Variants in DOCK2 observed in about 807,000 individuals in gnomAD.
DOCK2 encodes dedicator of cytokinesis 2.
In DOCK2, 87 loss-of-function variants were observed where a neutral mutation model predicts 248.9. The observed-to-expected ratio is 0.35, with a 90% CI of 0.29 to 0.42. The LOEUF (loss-of-function observed/expected upper bound fraction) is 0.42. DOCK2 is among the 10% of genes least tolerant of loss of function. The probability of loss-of-function intolerance (pLI) is 1.00; values close to 1 mark genes in which losing one functional copy is unlikely to be tolerated. For missense variants in DOCK2, 1,747 were observed against 2,300.2 expected, an observed-to-expected ratio of 0.76 and a Z score of 4.92; for synonymous variants, 805 against 821.6, an observed-to-expected ratio of 0.98 and a Z score of 0.35.
chr5:169,760,898 C>T (rs753558339), intron 24 of DOCK2, among the ~76,000 whole-genome samples: 14 of 152,072 alleles, frequency 9.2e-5, no homozygotes, highest in African/African-American at 1.4e-4. Context: ...TTTGGAAAGC[C>T]GACAAGGACT....
At chr5:170,027,202 C>G (rs1403755769) in intron 33 of DOCK2, among the ~76,000 whole-genome samples, 1 of 152,096 alleles carries the variant, frequency 6.6e-6, no homozygotes, top group African/African-American at 2.4e-5. Context: ...GATTTAGGGT[C>G]TCACTGTCTC....
intron 32 of DOCK2, among the ~76,000 whole-genome samples, chr5:170,012,812 T>A (rs184846796): frequency 6.6e-6 from 1 of 152,342 alleles, no homozygotes; most frequent in Non-Finnish European, 1.5e-5. Context: ...CACATTCACT[T>A]GGGTTAACAC....
intron 46 of DOCK2, chr5:170,075,732 C>T: frequency 1.8e-6 from 1 of 570,408 alleles, no homozygotes; most frequent in South Asian, 2.2e-5. Flanking sequence ...GCAAGGGAAG[C>T]TGGGGGTCTT....
chr5:169,836,805 A>G (rs574109635), intron 26 of DOCK2, among the ~76,000 whole-genome samples: 14 of 152,322 alleles, frequency 9.2e-5, no homozygotes, highest in African/African-American at 2.4e-4. Flanking sequence ...AGATTTCTCT[A>G]CTTGGTATCA....
intron 27 of DOCK2, among the ~76,000 whole-genome samples, chr5:169,866,355 AG>A (rs565033126): frequency 8.5e-5 from 13 of 152,332 alleles, no homozygotes; most frequent in African/African-American, 2.9e-4. Context: ...AAAGCCCCAC[AG>A]TTTCACTGTG....
intron 39 of DOCK2, among the ~76,000 whole-genome samples, chr5:170,046,975 T>C (rs1274130551): frequency 6.6e-6 from 1 of 152,214 alleles, no homozygotes; most frequent in African/African-American, 2.4e-5. Context: ...AGTTATAAGA[T>C]GCCATTAGGT....
At chr5:169,710,104 A>G (rs996840064) in intron 15 of DOCK2, among the ~76,000 whole-genome samples, 3 of 152,224 alleles carry the variant, frequency 2.0e-5, no homozygotes, top group Non-Finnish European at 4.4e-5. Context: ...AGTCATGAAC[A>G]TACTGGAGGG....
chr5:169,705,125 GC>G lies in DOCK2; in HGVS notation c.1383+2700del, dbSNP rs558702115. ...TGCAGTGAGCTGAGATCGCACCCCA[GC>G]CACTCCAGCCTGGCCGACAAAGTGA... On this transcript the variant is annotated intron_variant, in intron 14 of 51. Transcript: ENST00000520908. 5.9e-3 allele frequency among the ~76,000 whole-genome samples: 904 copies of G among 152,218 alleles called. 3 individuals are homozygous for G. Among genetic ancestry groups the G allele is most frequent in the Non-Finnish European group, 9.3e-3 (632 of 68,016 alleles).
chr5:170,064,529 C>T (rs774323724), intron 44 of DOCK2, among the ~76,000 whole-genome samples: 12 of 151,320 alleles, frequency 7.9e-5, no homozygotes, highest in Non-Finnish European at 1.8e-4. Flanking sequence ...TGAGCAAACT[C>T]GAAGACAAAT....
chr5:169,743,291 C>T (rs1161998667), intron 22 of DOCK2, among the ~76,000 whole-genome samples: 2 of 152,062 alleles, frequency 1.3e-5, no homozygotes, highest in African/African-American at 4.8e-5. Flanking sequence ...CTTTTTATAG[C>T]TGGGCATTGG....
At chr5:169,858,528 G>A (rs1203828483) in intron 27 of DOCK2, among the ~76,000 whole-genome samples, 3 of 152,206 alleles carry the variant, frequency 2.0e-5, no homozygotes, top group South Asian at 2.1e-4. Context: ...AGGGCCTGTG[G>A]TGGGAGCTTA....
chr5:169,653,385 G>A (rs1213966885), intron 1 of DOCK2, among the ~76,000 whole-genome samples: 3 of 152,196 alleles, frequency 2.0e-5, no homozygotes, highest in African/African-American at 4.8e-5. Flanking sequence ...GTGGGGAAAC[G>A]GATTCAGAGG....
intron 9 of DOCK2, among the ~76,000 whole-genome samples, chr5:169,694,565 C>T (rs1760499085): frequency 1.3e-5 from 2 of 152,296 alleles, no homozygotes; most frequent in Admixed American, 1.3e-4. Context: ...TCAGTTTCCC[C>T]ATCTGTCAAA....
chr5:170,057,062 T>G lies in DOCK2; in HGVS notation c.4380+294T>G, dbSNP rs538649921. The G allele has an allele frequency of 3.7e-5, 15 of 407,230 alleles. 1 individual carries two copies. The East Asian group carries it at 7.0e-4, about 19-fold the overall frequency. 25.2% of individuals were successfully genotyped at this position (407,230 alleles called of 1,614,324 possible). The stretch of plus-strand genomic sequence containing the variant: ...TAGAAACCCTCAGGCTAAGAAGGGG[T>G]GTTGATAAAATCAAACCTTCCAGCA... On this transcript the variant is annotated intron_variant, in intron 43 of 51. Transcript: ENST00000520908.
chr5:169,689,269 G>T lies in DOCK2; in HGVS notation c.779G>T (p.Arg260Leu). Residue 260 changes from arginine (R) to leucine (L), a missense_variant, in exon 9 of 52, where the codon CGA (arginine) becomes CTA (leucine). Physicochemically the swap from Arg to Leu is moderately radical, Grantham distance 102 (BLOSUM62 -2). Around this residue, in one of 4 missense-constraint regions of DOCK2, gnomAD observed 375 missense variants for 510.9 expected, o/e 0.73. Transcript: ENST00000520908. ...TCCCACAGTGAGAACTACCTAGTGC[G>T]ATGGGGCAGCCGGGGCTTCCCTAAG... ...QTVISENYLVRWGSRGFPKEI... is the reference protein window; with the variant it reads ...QTVISENYLVLWGSRGFPKEI... 6.2e-7 allele frequency: 1 copy of T among 1,614,108 alleles called. No homozygotes were observed. Among genetic ancestry groups the T allele is most frequent in the Non-Finnish European group, 8.5e-7 (1 of 1,180,002 alleles).
intron 27 of DOCK2, among the ~76,000 whole-genome samples, chr5:169,960,179 T>G (rs574910498): frequency 6.6e-6 from 1 of 152,208 alleles, no homozygotes; most frequent in African/African-American, 2.4e-5. Flanking sequence ...ATGATAAATT[T>G]CCACCAGTGT....
chr5:169,702,706 T>G (rs915134676), intron 14 of DOCK2: 16 of 207,216 alleles, frequency 7.7e-5, no homozygotes, highest in Admixed American at 6.9e-4. Flanking sequence ...TGTATTTATT[T>G]ATTTATTTAC....
intron 36 of DOCK2, among the ~76,000 whole-genome samples, chr5:170,038,578 G>T (rs1369857973): frequency 6.6e-6 from 1 of 152,168 alleles, no homozygotes; most frequent in Non-Finnish European, 1.5e-5. Flanking sequence ...AGCCGAACCG[G>T]GTGGTGGCAG....
chr5:169,744,607 C>A (rs1469891869), intron 22 of DOCK2, among the ~76,000 whole-genome samples: 56 of 145,178 alleles, frequency 3.9e-4, no homozygotes, highest in East Asian at 8.0e-4. Flanking sequence ...CTCATAAAAT[C>A]AAAAAAAAAA....
Sources: gnomAD v4.1 joint callset for allele counts (sites outside exome capture counted in the v4.1 genomes callset) on GRCh38, gnomAD v4.1.1 for gene constraint, gnomAD v4.1.1 regional missense constraint, MANE v1.5 for transcripts, NCBI Gene and HGNC (gene_info 2026-07-23, HGNC 2026-07-21) for gene names.